B9D1: variants seen among roughly 807,000 people sequenced by gnomAD.
B9D1 encodes the protein B9 domain containing 1.
B9D1 carries 20 observed loss-of-function variants against 26.1 expected under a neutral mutation model. The ratio of observed to expected loss-of-function variants is 0.77; its 90% confidence interval spans 0.54 to 1.12. The LOEUF is 1.12. Ranked by LOEUF, B9D1 falls within the 50% of genes most tolerant of loss-of-function variation. B9D1 has a pLI of 0.00. For missense variants in B9D1, 260 were observed against 273.7 expected, an observed-to-expected ratio of 0.95 and a Z score of 0.35; for synonymous variants, 105 against 103.1, an observed-to-expected ratio of 1.02 and a Z score of -0.11.
At position 19,359,257 on chromosome 17, in the gene B9D1, A is replaced by G. The variant is rs1910738700; in HGVS notation, c.132+1063T>C. Among the ~76,000 whole-genome samples the G allele has an allele frequency of 6.6e-6, 1 of 152,176 alleles. No individual in the cohort carries two copies. The highest frequency in any genetic ancestry group is 6.5e-5 in the Admixed American group (1 of 15,280). ...TCCAGTGGGATCCCATCTCCCTTTG[A>G]GTAAAGGTCACAGTCCTTACTCTGA... On this transcript the variant is annotated intron_variant, in intron 2 of 6. Coordinates refer to ENST00000261499, the MANE Select transcript of B9D1 (RefSeq NM_015681.6). The surrounding 1 kb of genome is among the most constrained non-coding windows in gnomAD (Gnocchi z 5.0).
At chr17:19,340,715 GGAGGCA>G (rs1907869433), downstream of B9D1, among the ~76,000 whole-genome samples, 1 of 150,808 alleles carries the variant, frequency 6.6e-6, no homozygotes. Context: ...CTTGAACCCG[GGAGGCA>G]GAGGTTGCAG....
downstream of B9D1, among the ~76,000 whole-genome samples, chr17:19,341,527 G>A (rs1300562037): frequency 6.6e-6 from 1 of 152,232 alleles, no homozygotes; most frequent in African/African-American, 2.4e-5. Context: ...TCCTCAGGTA[G>A]GGTAAGGAAG....
chr17:19,366,190 C>T (rs1479315034), upstream of B9D1, among the ~76,000 whole-genome samples: 2 of 151,914 alleles, frequency 1.3e-5, no homozygotes, highest in African/African-American at 2.4e-5. Context: ...GAAGCTGGGC[C>T]TCCTTGAGGA....
upstream of B9D1, among the ~76,000 whole-genome samples, chr17:19,366,248 C>A (rs1434614756): frequency 2.6e-5 from 4 of 151,792 alleles, no homozygotes; most frequent in Non-Finnish European, 4.4e-5. Context: ...ACCCTCAGCA[C>A]CTTCAAGGGG....
chr17:19,370,930 TG>T lies in B9D1; in HGVS notation c.-298+6928del, dbSNP rs1293591351. Among the ~76,000 whole-genome samples, 1 of 152,198 alleles carries T rather than the reference TG, an allele frequency of 6.6e-6. No individual in the cohort carries two copies. The highest frequency in any genetic ancestry group is 1.5e-5 in the Non-Finnish European group (1 of 68,028). ...GAAGGCCTGGATCCTCCATGTCCTATGGGCAGGTCAACCACAACAAAGCCCA... is the reference window on the plus strand; with the variant it reads ...GAAGGCCTGGATCCTCCATGTCCTATGGCAGGTCAACCACAACAAAGCCCA... On this transcript the variant is annotated intron_variant, in intron 1 of 5. Coordinates refer to the B9D1 transcript ENST00000477478. The surrounding 1 kb of genome is among the most constrained non-coding windows in gnomAD (Gnocchi z 5.1).
intron 5 of B9D1, among the ~76,000 whole-genome samples, chr17:19,344,322 G>C (rs1005219858): frequency 3.9e-5 from 6 of 152,222 alleles, no homozygotes; most frequent in Non-Finnish European, 8.8e-5. Context: ...AGAAGGGCCA[G>C]AACGGCTCCT....
At chr17:19,346,316 C>A (rs1021841512) in intron 5 of B9D1, among the ~76,000 whole-genome samples, 3 of 152,224 alleles carry the variant, frequency 2.0e-5, no homozygotes, top group Non-Finnish European at 4.4e-5. Flanking sequence ...CCTTCCTCCC[C>A]TCCACGGCTC....
intron 3 of B9D1, among the ~76,000 whole-genome samples, chr17:19,355,501 AAGAC>A (rs1386046216): frequency 6.7e-6 from 1 of 150,078 alleles, no homozygotes; most frequent in African/African-American, 2.4e-5. Context: ...TTTACTCAGA[AAGAC>A]AGAGCAAGAC....
At chr17:19,349,453 A>G (rs1567890875) in intron 3 of B9D1, among the ~76,000 whole-genome samples, 1 of 150,732 alleles carries the variant, frequency 6.6e-6, no homozygotes, top group Non-Finnish European at 1.5e-5. Context: ...TGGTGCAATC[A>G]TGGCTCACTG....
At chr17:19,342,393 C>T (rs915437917), downstream of B9D1, among the ~76,000 whole-genome samples, 2 of 152,014 alleles carry the variant, frequency 1.3e-5, no homozygotes, top group African/African-American at 2.4e-5. Flanking sequence ...GCAACATGGG[C>T]GAGGCTGGGA....
At chr17:19,350,921 C>A (rs1427526683) in intron 3 of B9D1, among the ~76,000 whole-genome samples, 1 of 151,844 alleles carries the variant, frequency 6.6e-6, no homozygotes, top group African/African-American at 2.4e-5. Flanking sequence ...TCACTGGAAC[C>A]TCTGCCTCCC....
At chr17:19,343,052 C>T, downstream of B9D1, 1 of 1,364,970 alleles carries the variant, frequency 7.3e-7, no homozygotes. Flanking sequence ...CTCCTGGCAG[C>T]TTCCACGGCA....
Position 19,360,334 on chromosome 17 carries a change from A to G in B9D1, c.118T>C (p.Trp40Arg). 11 of 1,614,012 alleles carry G rather than the reference A, an allele frequency of 6.8e-6. No individual in the cohort carries two copies. The highest frequency in any genetic ancestry group is 9.3e-6 in the Non-Finnish European group (11 of 1,180,024). Reference sequence around the variant, plus strand: ...GTCCAGCTTACCGCTGTGGGGGCCCAGTCCTGGCCGTACACAAAGCAGTAC... The same window carrying G: ...GTCCAGCTTACCGCTGTGGGGGCCCGGTCCTGGCCGTACACAAAGCAGTAC... ...CKYCFVYGQD[W>R]APTAGLEEGI... Residue 40 changes from tryptophan to arginine, a missense_variant, in exon 2 of 7, where the codon TGG becomes CGG. Coordinates refer to ENST00000261499, the MANE Select transcript of B9D1 (RefSeq NM_015681.6).
rs776537604 is a variant in B9D1, at chr17:19,347,869, C to A, written c.256G>T (p.Val86Leu). Residue 86 changes from valine (V) to leucine (L), a missense_variant, in exon 4 of 7, where the codon GTG becomes TTG. Val to Leu is a conservative substitution (Grantham distance 32). Coordinates refer to ENST00000261499, the MANE Select transcript of B9D1 (RefSeq NM_015681.6). This position sits in a 1 kb window ranked among gnomAD's most constrained non-coding sequence, Gnocchi z 4.3. ...STNPYGWPQI[V>L]LSVYGPDVFG... is the part of the protein sequence containing the mutation. ...ACATCTGGTCCATACACGCTGAGCA[C>A]GATCTGTGGCCCTTGGGAAGGACAA... The A allele has an allele frequency of 6.2e-7, 1 of 1,614,062 alleles. No individual in the cohort carries two copies. The highest frequency in any genetic ancestry group is 1.1e-5 in the South Asian group (1 of 91,068).
intron 1 of B9D1, 151 bp downstream of exon 1, chr17:19,362,356 C>T (rs1014924936): frequency 3.4e-6 from 2 of 590,136 alleles, no homozygotes; most frequent in Non-Finnish European, 5.8e-6. Context: ...TCGCGCCAAG[C>T]TCTCCAATGC....
Position 19,357,847 on chromosome 17 carries a change from G to C in B9D1, c.237C>G (p.Pro79=), listed in dbSNP as rs149051059. 4.8e-4 allele frequency: 770 copies of C among 1,613,700 alleles called. 8 individuals are homozygous for C. The African/African-American group carries it at 9.4e-3, about 20-fold the overall frequency. The change falls in exon 3 of 7, where the codon CCC becomes CCG. Residue 79 remains proline, a synonymous_variant. Transcript: ENST00000261499. The stretch of plus-strand genomic sequence containing the variant: ...GGGCCCCTGCAGACTCACAGCCGTA[G>C]GGGTTGGTGCTTTTAAAGGTGACAT... ...PIDVTFKSTN[P]YGWPQIVLSV...
intron 1 of B9D1, chr17:19,377,764 C>T: frequency 1.1e-6 from 1 of 924,134 alleles, no homozygotes; most frequent in South Asian, 5.0e-5. Flanking sequence ...GCGGGCTCCG[C>T]AGAGGAGCAG....
intron 3 of B9D1, among the ~76,000 whole-genome samples, chr17:19,352,454 C>G (rs1909739807): frequency 6.6e-6 from 1 of 151,652 alleles, no homozygotes; most frequent in Non-Finnish European, 1.5e-5. Context: ...AAGTGATTCT[C>G]CTGCCTCACT....
intron 3 of B9D1, chr17:19,357,628 G>A (rs1355374091): frequency 1.7e-6 from 1 of 601,448 alleles, no homozygotes; most frequent in East Asian, 3.0e-5. Context: ...AAGGCCAGCT[G>A]CACAGCCTGT....
Sources: gnomAD v4.1 joint callset for allele counts (sites outside exome capture counted in the v4.1 genomes callset) on GRCh38, gnomAD v4.1.1 for gene constraint, Gnocchi (gnomAD v3.1) non-coding constraint, MANE v1.5 for transcripts, NCBI Gene and HGNC (gene_info 2026-07-23, HGNC 2026-07-21) for gene names.